Variants in GLI3 observed in about 807,000 individuals in gnomAD.
The protein encoded by GLI3 is transcription activator GLI3.
GLI3 carries 20 observed loss-of-function variants against 100.8 expected under a neutral mutation model. The observed-to-expected ratio is 0.20, with a 90% CI of 0.14 to 0.29. The LOEUF (loss-of-function observed/expected upper bound fraction) is 0.29, where lower values mean the gene tolerates loss of function less well. Among genes scored for constraint, GLI3 ranks in the 10% least tolerant of loss-of-function variants. GLI3 has a pLI of 1.00. For synonymous variants in GLI3, 938 were observed against 860.5 expected, an observed-to-expected ratio of 1.09 and a Z score of -1.58; for missense variants, 2,040 against 2,128.5, an observed-to-expected ratio of 0.96 and a Z score of 0.82.
chr7:42,208,717 C>T (rs1788205225), intron 2 of GLI3, among the ~76,000 whole-genome samples: 1 of 152,048 alleles, frequency 6.6e-6, no homozygotes, highest in South Asian at 2.1e-4. Context: ...AAACCAGATG[C>T]CAAACAGAAA....
At chr7:42,059,399 T>A (rs1784523394) in intron 4 of GLI3, among the ~76,000 whole-genome samples, 1 of 150,236 alleles carries the variant, frequency 6.7e-6, no homozygotes, top group African/African-American at 2.4e-5. Context: ...ATAAAATGTT[T>A]TATTATATAA....
intron 1 of GLI3, among the ~76,000 whole-genome samples, chr7:42,250,617 C>G (rs1317052302): frequency 2.0e-5 from 3 of 152,182 alleles, no homozygotes; most frequent in Non-Finnish European, 2.9e-5. Context: ...ATTGCTGGAG[C>G]CTTGGGAAAT....
intron 3 of GLI3, among the ~76,000 whole-genome samples, chr7:42,142,854 A>G (rs111787070): frequency 0.026 from 3,939 of 149,482 alleles, 128 homozygotes; most frequent in African/African-American, 0.08. Flanking sequence ...CAGGAGAATG[A>G]CATGAACCCG....
At chr7:42,129,875 G>C (rs1188401173) in intron 3 of GLI3, among the ~76,000 whole-genome samples, 2 of 152,130 alleles carry the variant, frequency 1.3e-5, no homozygotes, top group Admixed American at 6.5e-5. Context: ...GTGACAGTCA[G>C]ATGGCCTGTC....
At position 42,091,914 on chromosome 7, in the gene GLI3, TCAAA is replaced by T. The variant is rs1398588317; in HGVS notation, c.368-15061_368-15058del. Among the ~76,000 whole-genome samples the T allele has an allele frequency of 3.3e-5, 5 of 152,118 alleles. No homozygotes were observed. The South Asian group carries it at 8.3e-4, about 25-fold the overall frequency. On this transcript the variant is annotated intron_variant, in intron 3 of 14. Coordinates refer to ENST00000395925, the MANE Select transcript of GLI3 (RefSeq NM_000168.6). ...CAGTTAAATACCTTCTACCGCAGAG[TCAAA>T]CAAACAGTTCACTTCATTAGAAAGG...
At chr7:42,068,221 A>G (rs539811060) in intron 4 of GLI3, among the ~76,000 whole-genome samples, 11 of 152,346 alleles carry the variant, frequency 7.2e-5, no homozygotes, top group Admixed American at 4.6e-4. Flanking sequence ...AATTGAGGCA[A>G]TGTCACCAAA....
intron 2 of GLI3, among the ~76,000 whole-genome samples, chr7:42,196,485 G>C (rs538532587): frequency 6.6e-6 from 1 of 152,120 alleles, no homozygotes; most frequent in African/African-American, 2.4e-5. Flanking sequence ...AAAAATCTAC[G>C]TGTAAATAGA....
chr7:41,966,178 C>A lies in GLI3; in HGVS notation c.2895G>T (p.Glu965Asp), dbSNP rs1248079742. The A allele has an allele frequency of 6.2e-7, 1 of 1,602,892 alleles. No individual in the cohort carries two copies. The highest frequency in any genetic ancestry group is 1.7e-5 in the Admixed American group (1 of 59,522). The change falls in exon 15 of 15, where the codon GAG (glutamate) becomes GAT (aspartate). Residue 965 changes from glutamate (E) to aspartate (D), a missense_variant. Around this residue, in one of 5 missense-constraint regions of GLI3, gnomAD observed 1,041 missense variants for 924.0 expected, o/e 1.13. Transcript: ENST00000395925. The surrounding 1 kb of genome is among the most constrained non-coding windows in gnomAD (Gnocchi z 5.8). The stretch of plus-strand genomic sequence containing the variant: ...GAACTGGAGGCAGGGCCACGCCAGG[C>A]TCGAGGGCATCCCCGAGCAGCGCCA... ...TRLALLGDAL[E>D]PGVALPPVHA...
rs1337228367 is a variant in GLI3, at chr7:42,096,003, C to T, written c.368-19146G>A. 3.3e-5 allele frequency among the ~76,000 whole-genome samples: 5 copies of T among 152,250 alleles called. No homozygotes were observed. The East Asian group carries it at 7.7e-4, about 24-fold the overall frequency. On this transcript the variant is annotated intron_variant, in intron 3 of 14. Coordinates refer to ENST00000395925, the MANE Select transcript of GLI3 (RefSeq NM_000168.6). ...ACACAGGACAACCACCAGTCAGGGG[C>T]CTCCAAGGGGCCAGAGGGAGGAGGC...
At chr7:42,186,401 G>C (rs1436024729) in intron 2 of GLI3, among the ~76,000 whole-genome samples, 2 of 152,184 alleles carry the variant, frequency 1.3e-5, no homozygotes, top group African/African-American at 4.8e-5. Context: ...ACCCATGAGA[G>C]ACTCACAGAA....
At chr7:41,987,105 C>CAGACACAA (rs755967828) in intron 10 of GLI3, among the ~76,000 whole-genome samples, 13 of 125,668 alleles carry the variant, frequency 1.0e-4, no homozygotes, top group Admixed American at 6.6e-4. Context: ...GACACAGACA[C>CAGACACAA]ACACACACAC....
chr7:42,085,451 T>C (rs1428624915), intron 3 of GLI3, among the ~76,000 whole-genome samples: 6 of 152,202 alleles, frequency 3.9e-5, no homozygotes, highest in African/African-American at 1.4e-4. Context: ...AAATAAGCAT[T>C]CCCAAAACGT....
At chr7:41,971,435 C>T (rs1787362142) in intron 13 of GLI3, among the ~76,000 whole-genome samples, 1 of 152,174 alleles carries the variant, frequency 6.6e-6, no homozygotes, top group Admixed American at 6.5e-5. Flanking sequence ...ACTATACTAT[C>T]TACTCTTAAT....
intron 2 of GLI3, among the ~76,000 whole-genome samples, chr7:42,204,541 A>G (rs1788110854): frequency 1.3e-5 from 2 of 152,298 alleles, no homozygotes; most frequent in South Asian, 4.1e-4. Flanking sequence ...CAGGCCCCAC[A>G]TTTTGTTATC....
At position 42,223,293 on chromosome 7, in the gene GLI3, G is replaced by A. The variant is rs756813969; in HGVS notation, c.-40C>T. The stretch of plus-strand genomic sequence containing the variant: ...ACTTCAGCTCTCTTCGACCAAAAAT[G>A]CCCTAAAGAAAACAACAGAGCCATC... On this transcript the variant is annotated splice_region_variant and 5_prime_UTR_variant, in exon 2 of 15. Coordinates refer to ENST00000395925, the MANE Select transcript of GLI3 (RefSeq NM_000168.6). 1.5e-5 allele frequency: 24 copies of A among 1,589,130 alleles called. 1 individual carries two copies. The Admixed American group carries it at 3.2e-4, about 21-fold the overall frequency.
intron 13 of GLI3, among the ~76,000 whole-genome samples, chr7:41,970,409 T>C (rs1195667956): frequency 6.6e-6 from 1 of 152,166 alleles, no homozygotes; most frequent in Admixed American, 6.5e-5. Flanking sequence ...GTGATTAATT[T>C]ATTAACCTCA....
intron 4 of GLI3, among the ~76,000 whole-genome samples, chr7:42,056,751 G>T (rs1441052022): frequency 6.6e-6 from 1 of 151,634 alleles, no homozygotes; most frequent in Non-Finnish European, 1.5e-5. Context: ...GAGAGTTTGA[G>T]ACCAGTGTGA....
chr7:41,964,181 TA>T lies in GLI3; in HGVS notation c.*148del. The T allele has an allele frequency of 1.6e-6, 1 of 643,008 alleles. No homozygotes were observed. 39.8% of individuals were successfully genotyped at this position (643,008 alleles called of 1,614,324 possible). On this transcript the variant is annotated 3_prime_UTR_variant, in exon 15 of 15. Transcript: ENST00000395925. ...TAGGGTTTTTCAGAGTCCTTTTCCATAAAAGGAATATAATTGAAACACATCT... is the reference window on the plus strand; with the variant it reads ...TAGGGTTTTTCAGAGTCCTTTTCCATAAAGGAATATAATTGAAACACATCT...
chr7:42,035,197 G>C (rs1053730004), intron 7 of GLI3, among the ~76,000 whole-genome samples: 1 of 152,102 alleles, frequency 6.6e-6, no homozygotes, highest in East Asian at 1.9e-4. Context: ...GTATTTATCT[G>C]TTTGTCAGTA....
Sources: allele counts gnomAD v4.1 joint callset (sites outside exome capture counted in the v4.1 genomes callset), GRCh38; gene constraint gnomAD v4.1.1; regional missense constraint gnomAD v4.1.1; non-coding constraint Gnocchi (gnomAD v3.1); transcripts MANE v1.5; gene names NCBI Gene and HGNC (gene_info 2026-07-23, HGNC 2026-07-21).